Variants in MACROD2 observed in about 807,000 individuals in gnomAD.
MACROD2 encodes the protein ADP-ribose glycohydrolase MACROD2.
In MACROD2, 36 loss-of-function variants were observed where a neutral mutation model predicts 70.4. That is an observed-to-expected ratio of 0.51 (90% CI 0.39 to 0.68). The LOEUF (loss-of-function observed/expected upper bound fraction) is 0.68, where lower values mean the gene tolerates loss of function less well. Ranked by LOEUF, MACROD2 falls within the 30% of genes least tolerant of loss-of-function variation. The pLI is 0.00. For missense variants in MACROD2, 496 were observed against 538.4 expected (o/e 0.92, Z 0.78); for synonymous variants, 172 against 178.8 (o/e 0.96, Z 0.30).
At chr20:14,120,442 AC>A (rs2054572741) in intron 3 of MACROD2, among the ~76,000 whole-genome samples, 2 of 152,084 alleles carry the variant, frequency 1.3e-5, no homozygotes, top group South Asian at 4.2e-4. Flanking sequence ...AATTAGTTCA[AC>A]CATTGTGGAA....
intron 4 of MACROD2, among the ~76,000 whole-genome samples, chr20:14,539,920 C>A (rs1164740288): frequency 1.3e-5 from 2 of 152,142 alleles, no homozygotes; most frequent in African/African-American, 4.8e-5. Context: ...TGGCCCGTTC[C>A]TGGATGCTAA....
intron 8 of MACROD2, among the ~76,000 whole-genome samples, chr20:15,692,723 G>A (rs2050313580): frequency 6.6e-6 from 1 of 152,124 alleles, no homozygotes; most frequent in Non-Finnish European, 1.5e-5. Flanking sequence ...ATTCACTTAT[G>A]ACTCAGCAGA....
intron 3 of MACROD2, among the ~76,000 whole-genome samples, chr20:14,435,879 G>C (rs1450523391): frequency 6.6e-6 from 1 of 151,960 alleles, no homozygotes. Context: ...GCTAATTTTT[G>C]TATTTTTGGT....
At chr20:14,765,012 G>A (rs1047414429) in intron 5 of MACROD2, among the ~76,000 whole-genome samples, 1 of 152,068 alleles carries the variant, frequency 6.6e-6, no homozygotes, top group Admixed American at 6.5e-5. Context: ...TCCAAGTGCT[G>A]CCTTACCAGC....
At chr20:15,110,805 A>G (rs549418456) in intron 5 of MACROD2, among the ~76,000 whole-genome samples, 1 of 152,278 alleles carries the variant, frequency 6.6e-6, no homozygotes, top group Admixed American at 6.5e-5. Flanking sequence ...GGTTTGAGTG[A>G]CAAATGCACC....
chr20:14,444,437 C>T (rs1274609276), intron 3 of MACROD2, among the ~76,000 whole-genome samples: 4 of 152,010 alleles, frequency 2.6e-5, no homozygotes, highest in Admixed American at 6.6e-5. Flanking sequence ...TCTCCCTTTC[C>T]GTCTGTTCCT....
chr20:15,997,961 A>T (rs2147496924), intron 15 of MACROD2, among the ~76,000 whole-genome samples: 1 of 152,144 alleles, frequency 6.6e-6, no homozygotes, highest in Non-Finnish European at 1.5e-5. Flanking sequence ...TGATCATAAG[A>T]TTTTCATCCT....
Position 15,786,906 on chromosome 20 carries a change from G to A in MACROD2, c.646-75839G>A, listed in dbSNP as rs555931638. Among the ~76,000 whole-genome samples the A allele has an allele frequency of 1.3e-5, 2 of 152,258 alleles. 1 individual carries two copies. Among genetic ancestry groups the A allele is most frequent in the South Asian group, 4.1e-4 (2 of 4,824 alleles). Reference sequence around the variant, plus strand: ...AAGTGATTGAGATGGCATACAAAGTGTAAGTGTCCCAATTTTTGTATCCCA... The same window carrying A: ...AAGTGATTGAGATGGCATACAAAGTATAAGTGTCCCAATTTTTGTATCCCA... On this transcript the variant is annotated intron_variant, in intron 8 of 17. Transcript: ENST00000684519.
At chr20:15,959,964 GAT>G (rs1329240828) in intron 12 of MACROD2, among the ~76,000 whole-genome samples, 2 of 152,220 alleles carry the variant, frequency 1.3e-5, no homozygotes, top group Non-Finnish European at 2.9e-5. Context: ...ATACAAAAGT[GAT>G]ACACACTGAG....
intron 3 of MACROD2, among the ~76,000 whole-genome samples, chr20:14,382,217 C>T (rs183097118): frequency 1.0e-3 from 158 of 151,866 alleles, no homozygotes; most frequent in African/African-American, 3.5e-3. Flanking sequence ...ATCCCTGCCA[C>T]GCCCAGCTAA....
At chr20:15,305,581 G>C (rs1054717899) in intron 6 of MACROD2, among the ~76,000 whole-genome samples, 1 of 151,942 alleles carries the variant, frequency 6.6e-6, no homozygotes, top group Non-Finnish European at 1.5e-5. Context: ...CAATGGCTGG[G>C]TCCACCAGGT....
chr20:14,727,100 A>G (rs1183910803), intron 5 of MACROD2, among the ~76,000 whole-genome samples: 4 of 152,168 alleles, frequency 2.6e-5, no homozygotes, highest in African/African-American at 4.8e-5. Context: ...GTGAATTCCT[A>G]TGCTTTATCA....
At chr20:14,506,700 C>G (rs528753755) in intron 4 of MACROD2, among the ~76,000 whole-genome samples, 1 of 152,224 alleles carries the variant, frequency 6.6e-6, no homozygotes, top group African/African-American at 2.4e-5. Flanking sequence ...CCTGTAATCC[C>G]AGCATTTTGG....
At chr20:14,929,279 T>C (rs995610070) in intron 5 of MACROD2, 2 of 152,124 alleles carry the variant, frequency 1.3e-5, no homozygotes, top group Non-Finnish European at 2.9e-5. Flanking sequence ...CTATACTTCT[T>C]ACTGACAGGC....
intron 5 of MACROD2, among the ~76,000 whole-genome samples, chr20:14,916,861 G>T (rs549263153): frequency 2.5e-4 from 38 of 152,060 alleles, no homozygotes; most frequent in African/African-American, 8.9e-4. Context: ...CCTCAGCGGA[G>T]AATGGAAAAA....
chr20:15,777,438 G>GTT (rs199861027), intron 8 of MACROD2, among the ~76,000 whole-genome samples: 1 of 142,702 alleles, frequency 7.0e-6, no homozygotes, highest in African/African-American at 2.6e-5. Flanking sequence ...TGAGAGACAT[G>GTT]TTTTTTTTTT....
At chr20:14,095,859 G>C (rs962716086) in intron 3 of MACROD2, among the ~76,000 whole-genome samples, 1 of 152,208 alleles carries the variant, frequency 6.6e-6, no homozygotes, top group African/African-American at 2.4e-5. Flanking sequence ...GCCTACTGAA[G>C]TGTAGTTGAC....
chr20:14,454,230 T>C (rs566164700), intron 3 of MACROD2, among the ~76,000 whole-genome samples: 2 of 152,162 alleles, frequency 1.3e-5, no homozygotes, highest in Admixed American at 1.3e-4. Context: ...AATTTCTATT[T>C]ATATTCTCTG....
At chr20:15,050,772 T>C (rs1237225730) in intron 5 of MACROD2, among the ~76,000 whole-genome samples, 1 of 150,318 alleles carries the variant, frequency 6.7e-6, no homozygotes, top group Non-Finnish European at 1.5e-5. Flanking sequence ...AAACTTGTCA[T>C]ATATCTCAAA....
Sources: gnomAD v4.1 joint callset for allele counts (sites outside exome capture counted in the v4.1 genomes callset) on GRCh38, gnomAD v4.1.1 for gene constraint, MANE v1.5 for transcripts, NCBI Gene and HGNC (gene_info 2026-07-23, HGNC 2026-07-21) for gene names.